Variants in GRM7 observed in about 807,000 individuals in gnomAD.
GRM7 encodes metabotropic glutamate receptor 7.
GRM7 carries 35 observed loss-of-function variants against 84.5 expected under a neutral mutation model. The ratio of observed to expected loss-of-function variants is 0.41; its 90% confidence interval spans 0.32 to 0.55. The LOEUF (loss-of-function observed/expected upper bound fraction) is 0.55, where lower values mean the gene tolerates loss of function less well. Ranked by LOEUF, GRM7 falls within the 20% of genes least tolerant of loss-of-function variation. GRM7 has a pLI of 0.19. For missense variants in GRM7, 1,003 were observed against 1,194.6 expected (o/e 0.84, Z 2.36); for synonymous variants, 487 against 455.1 (o/e 1.07, Z -0.89).
chr3:7,458,297 C>T (rs759829515), intron 6 of GRM7, among the ~76,000 whole-genome samples: 10 of 152,148 alleles, frequency 6.6e-5, no homozygotes, highest in Non-Finnish European at 1.3e-4. Flanking sequence ...CATCTTGGCT[C>T]TAATGCCTTG....
At chr3:7,628,196 C>T (rs557731915) in intron 8 of GRM7, among the ~76,000 whole-genome samples, 27 of 152,270 alleles carry the variant, frequency 1.8e-4, no homozygotes, top group African/African-American at 5.5e-4. Flanking sequence ...GGGTAGCACA[C>T]ACTTTAATTA....
chr3:7,713,924 G>A (rs529414763), intron 9 of GRM7, among the ~76,000 whole-genome samples: 1 of 151,060 alleles, frequency 6.6e-6, no homozygotes, highest in Non-Finnish European at 1.5e-5. Context: ...CAAAAACAAG[G>A]GCATTCCTAA....
intron 5 of GRM7, among the ~76,000 whole-genome samples, chr3:7,447,911 C>T (rs1697591013): frequency 8.9e-6 from 1 of 112,836 alleles, no homozygotes; most frequent in African/African-American, 3.3e-5. Context: ...CCCCCCACCC[C>T]ACAACAGTCC....
chr3:6,942,113 C>G (rs1210540437), intron 1 of GRM7, among the ~76,000 whole-genome samples: 1 of 151,828 alleles, frequency 6.6e-6, no homozygotes, highest in Non-Finnish European at 1.5e-5. Flanking sequence ...GGATAGAAGT[C>G]ACTATACCTT....
At chr3:6,999,103 G>C (rs1694924983) in intron 1 of GRM7, among the ~76,000 whole-genome samples, 3 of 152,024 alleles carry the variant, frequency 2.0e-5, no homozygotes. Context: ...GCTTGCTCTT[G>C]AACACTTTGC....
intron 7 of GRM7, among the ~76,000 whole-genome samples, chr3:7,514,978 G>A (rs1035743821): frequency 6.6e-6 from 1 of 151,732 alleles, no homozygotes; most frequent in Non-Finnish European, 1.5e-5. Flanking sequence ...GACATCTAGT[G>A]CTTCAAACAG....
intron 8 of GRM7, among the ~76,000 whole-genome samples, chr3:7,649,035 C>A (rs188633066): frequency 6.6e-6 from 1 of 151,964 alleles, no homozygotes; most frequent in African/African-American, 2.4e-5. Flanking sequence ...AAGTTCATGC[C>A]GCAGGGAAAA....
chr3:7,126,697 T>G (rs541399523), intron 1 of GRM7, among the ~76,000 whole-genome samples: 1 of 152,326 alleles, frequency 6.6e-6, no homozygotes, highest in Non-Finnish European at 1.5e-5. Context: ...GATAAATGTG[T>G]TGTTGTCGTG....
chr3:7,478,885 C>A (rs907419468), intron 7 of GRM7, among the ~76,000 whole-genome samples: 2 of 152,130 alleles, frequency 1.3e-5, no homozygotes, highest in Admixed American at 6.6e-5. Flanking sequence ...ATAAAACCTT[C>A]CCTAATTCTT....
At chr3:7,007,124 G>T (rs1695204240) in intron 1 of GRM7, among the ~76,000 whole-genome samples, 1 of 152,104 alleles carries the variant, frequency 6.6e-6, no homozygotes, top group South Asian at 2.1e-4. Flanking sequence ...ATTAGTGATG[G>T]CGTGGCTAAT....
At chr3:7,163,782 G>A (rs192513802) in intron 2 of GRM7, among the ~76,000 whole-genome samples, 9 of 152,304 alleles carry the variant, frequency 5.9e-5, no homozygotes, top group Admixed American at 2.0e-4. Context: ...TGATGTAAGC[G>A]TGTCTTGTTA....
Position 7,740,519 on chromosome 3 carries a change from C to T in GRM7, c.*113C>T, listed in dbSNP as rs543207800. 40 of 583,366 alleles carry T rather than the reference C, an allele frequency of 6.9e-5. No individual in the cohort carries two copies. The highest frequency in any genetic ancestry group is 4.4e-4 in the South Asian group (17 of 38,478). 36.1% of individuals were successfully genotyped at this position (583,366 alleles called of 1,614,324 possible). On this transcript the variant is annotated 3_prime_UTR_variant, in exon 10 of 10. Transcript: ENST00000357716. Reference sequence around the variant, plus strand: ...CTTCCCATCACCGGAGGAGCTTCCCCGGCCGGGAGACCAGTGTTAGAGGAT... The same window carrying T: ...CTTCCCATCACCGGAGGAGCTTCCCTGGCCGGGAGACCAGTGTTAGAGGAT...
chr3:7,552,044 G>C (rs1157441912), intron 7 of GRM7, among the ~76,000 whole-genome samples: 1 of 152,158 alleles, frequency 6.6e-6, no homozygotes, highest in Non-Finnish European at 1.5e-5. Flanking sequence ...CCACTATCAT[G>C]AGAACAGCAT....
chr3:6,974,540 A>G (rs1206917433), intron 1 of GRM7, among the ~76,000 whole-genome samples: 1 of 152,196 alleles, frequency 6.6e-6, no homozygotes, highest in African/African-American at 2.4e-5. Context: ...ATGCGAGGGT[A>G]TCAGGGAAGG....
chr3:7,641,530 A>C (rs951142295), intron 8 of GRM7, among the ~76,000 whole-genome samples: 1 of 152,128 alleles, frequency 6.6e-6, no homozygotes, highest in Non-Finnish European at 1.5e-5. Flanking sequence ...TCACTTTGGG[A>C]ACATGTGAAA....
intron 8 of GRM7, among the ~76,000 whole-genome samples, chr3:7,653,240 T>G (rs1333145657): frequency 7.1e-6 from 1 of 140,592 alleles, no homozygotes; most frequent in Non-Finnish European, 1.5e-5. Context: ...TCTACCTAAC[T>G]GTAAATGCTT....
At chr3:7,177,233 A>AAATATCAAACCTCTTTGATATAAGTTT (rs1695182870) in intron 2 of GRM7, among the ~76,000 whole-genome samples, 1 of 152,200 alleles carries the variant, frequency 6.6e-6, no homozygotes, top group African/African-American at 2.4e-5. Flanking sequence ...TTAGAGGTTG[A>AAATATCAAACCTCTTTGATATAAGTTT]AATATCAAAG....
At chr3:6,889,057 C>G (rs1002671025) in intron 1 of GRM7, among the ~76,000 whole-genome samples, 2 of 152,096 alleles carry the variant, frequency 1.3e-5, no homozygotes, top group Non-Finnish European at 2.9e-5. Flanking sequence ...TATAAGAATG[C>G]TTGTGATTTT....
chr3:7,599,946 A>G (rs1242062478), intron 8 of GRM7, among the ~76,000 whole-genome samples: 4 of 152,072 alleles, frequency 2.6e-5, no homozygotes, highest in Non-Finnish European at 5.9e-5. Context: ...GGTTTATTTC[A>G]TTAGCTATCT....
Sources: allele counts gnomAD v4.1 joint callset (sites outside exome capture counted in the v4.1 genomes callset), GRCh38; gene constraint gnomAD v4.1.1; transcripts MANE v1.5; gene names NCBI Gene and HGNC (gene_info 2026-07-23, HGNC 2026-07-21).